Variants in PRKN observed in about 807,000 individuals in gnomAD.
PRKN encodes the protein parkin RBR E3 ubiquitin protein ligase.
In PRKN, 56 loss-of-function variants were observed where a neutral mutation model predicts 59.5. The observed-to-expected ratio is 0.94, with a 90% CI of 0.76 to 1.18. PRKN has a LOEUF of 1.18. Ranked by LOEUF, PRKN falls within the 50% of genes most tolerant of loss-of-function variation. The probability of loss-of-function intolerance (pLI) is 0.00; values close to 1 mark genes in which losing one functional copy is unlikely to be tolerated. For synonymous variants in PRKN, 250 were observed against 222.1 expected (o/e 1.13, Z -1.12); for missense variants, 657 against 596.4 (o/e 1.10, Z -1.06).
intron 7 of PRKN, among the ~76,000 whole-genome samples, chr6:161,725,193 G>A (rs558838676): frequency 6.6e-6 from 1 of 152,120 alleles, no homozygotes; most frequent in Non-Finnish European, 1.5e-5. Context: ...TAGTAATGCA[G>A]GACGGCCTAA....
intron 1 of PRKN, among the ~76,000 whole-genome samples, chr6:162,624,916 G>A (rs955831984): frequency 1.3e-5 from 2 of 152,170 alleles, no homozygotes; most frequent in African/African-American, 4.8e-5. Flanking sequence ...GGAGCTTGAA[G>A]GGAAATAAAA....
At chr6:162,541,112 C>T (rs1778908742) in intron 1 of PRKN, among the ~76,000 whole-genome samples, 1 of 152,182 alleles carries the variant, frequency 6.6e-6, no homozygotes, top group African/African-American at 2.4e-5. Flanking sequence ...GGTTTTCAAA[C>T]ACGGAGTCCC....
chr6:161,762,554 C>G (rs1789245926), intron 7 of PRKN, among the ~76,000 whole-genome samples: 1 of 152,158 alleles, frequency 6.6e-6, no homozygotes, highest in African/African-American at 2.4e-5. Flanking sequence ...ATTGTATCCA[C>G]TGAACGTATT....
chr6:162,606,352 A>C (rs753540931), intron 1 of PRKN, among the ~76,000 whole-genome samples: 2 of 152,250 alleles, frequency 1.3e-5, no homozygotes, highest in Admixed American at 6.5e-5. Flanking sequence ...CAGTTGGTCA[A>C]AATTATCTCA....
At chr6:162,462,387 G>T (rs1222672611) in intron 1 of PRKN, among the ~76,000 whole-genome samples, 1 of 152,122 alleles carries the variant, frequency 6.6e-6, no homozygotes, top group African/African-American at 2.4e-5. Flanking sequence ...GATTGTATAT[G>T]GTTTCTCACA....
chr6:162,557,405 G>A (rs897030337), intron 1 of PRKN, among the ~76,000 whole-genome samples: 2 of 152,220 alleles, frequency 1.3e-5, no homozygotes, highest in South Asian at 4.1e-4. Flanking sequence ...CTCACTGGGT[G>A]TGCCCACGTG....
intron 1 of PRKN, among the ~76,000 whole-genome samples, chr6:162,475,886 GGATTACAGGC>G (rs1048327901): frequency 8.6e-5 from 13 of 151,908 alleles, no homozygotes; most frequent in Non-Finnish European, 1.5e-4. Flanking sequence ...CAAGTAGCTG[GGATTACAGGC>G]GCACACCACC....
intron 1 of PRKN, among the ~76,000 whole-genome samples, chr6:162,726,873 T>A (rs1247287479): frequency 6.6e-6 from 1 of 152,126 alleles, no homozygotes; most frequent in Non-Finnish European, 1.5e-5. Context: ...GGATAGCCCC[T>A]AAAGTAACTT....
intron 4 of PRKN, among the ~76,000 whole-genome samples, chr6:162,170,681 G>A (rs1306311008): frequency 1.3e-5 from 2 of 152,134 alleles, no homozygotes; most frequent in African/African-American, 4.8e-5. Context: ...TCATTCTGAA[G>A]CATTTTTAGA....
intron 4 of PRKN, among the ~76,000 whole-genome samples, chr6:162,098,913 G>A (rs1330890417): frequency 6.6e-6 from 1 of 152,034 alleles, no homozygotes; most frequent in Non-Finnish European, 1.5e-5. Context: ...AATGAGATGT[G>A]GACTTGTCAC....
chr6:161,800,449 T>C (rs997354037), intron 6 of PRKN, among the ~76,000 whole-genome samples: 3 of 152,228 alleles, frequency 2.0e-5, no homozygotes, highest in African/African-American at 4.8e-5. Flanking sequence ...TTAAAATCTT[T>C]GCTTAGAGCC....
intron 11 of PRKN, among the ~76,000 whole-genome samples, chr6:161,358,788 C>CTTTTTTTTTTT (rs34428983): frequency 4.4e-5 from 3 of 67,820 alleles, no homozygotes; most frequent in Non-Finnish European, 7.8e-5. Context: ...GCCTTCTGCT[C>CTTTTTTTTTTT]TTTTTTTTTT....
chr6:162,430,418 T>C (rs955818550), intron 2 of PRKN, among the ~76,000 whole-genome samples: 1 of 152,144 alleles, frequency 6.6e-6, no homozygotes, highest in Admixed American at 6.5e-5. Flanking sequence ...CACCTCCTAA[T>C]CCATGCACTA....
intron 2 of PRKN, among the ~76,000 whole-genome samples, chr6:162,440,205 ATACTC>A (rs1789987709): frequency 6.6e-6 from 1 of 152,190 alleles, no homozygotes; most frequent in South Asian, 2.1e-4. Flanking sequence ...GAAAATAACT[ATACTC>A]TAACAGTGCT....
chr6:161,815,517 G>A (rs1791737919), intron 6 of PRKN, among the ~76,000 whole-genome samples: 1 of 152,128 alleles, frequency 6.6e-6, no homozygotes, highest in Non-Finnish European at 1.5e-5. Flanking sequence ...GGCTACAATG[G>A]AATAACAAGC....
At chr6:162,055,852 G>A (rs550877135) in intron 4 of PRKN, among the ~76,000 whole-genome samples, 2 of 152,038 alleles carry the variant, frequency 1.3e-5, no homozygotes, top group South Asian at 2.1e-4. Flanking sequence ...GGAAAATGCC[G>A]TGGGAGGTGG....
At chr6:162,075,619 C>G (rs1478567927) in intron 4 of PRKN, among the ~76,000 whole-genome samples, 1 of 119,294 alleles carries the variant, frequency 8.4e-6, no homozygotes, top group Non-Finnish European at 1.9e-5. Flanking sequence ...GACCACTGGT[C>G]AACAACTATC....
At chr6:161,495,932 C>T (rs761224872) in intron 9 of PRKN, among the ~76,000 whole-genome samples, 2 of 152,140 alleles carry the variant, frequency 1.3e-5, no homozygotes, top group East Asian at 1.9e-4. Context: ...ACCATGGCAC[C>T]CTGAGCTTCC....
At chr6:162,249,394 C>G (rs1426010399) in intron 3 of PRKN, among the ~76,000 whole-genome samples, 1 of 152,114 alleles carries the variant, frequency 6.6e-6, no homozygotes, top group African/African-American at 2.4e-5. Context: ...GAGAATAAAT[C>G]TCACTTCATC....
Sources: allele counts gnomAD v4.1 joint callset (sites outside exome capture counted in the v4.1 genomes callset), GRCh38; gene constraint gnomAD v4.1.1; transcripts MANE v1.5; gene names NCBI Gene and HGNC (gene_info 2026-07-23, HGNC 2026-07-21).